Variants in ARHGAP17 observed in about 807,000 individuals in gnomAD.
The protein encoded by ARHGAP17 is rho GTPase-activating protein 17.
ARHGAP17 carries 57 observed loss-of-function variants against 99.5 expected under a neutral mutation model. The observed-to-expected ratio is 0.57, with a 90% CI of 0.46 to 0.71. ARHGAP17 has a LOEUF of 0.71. Among genes scored for constraint, ARHGAP17 ranks in the 30% least tolerant of loss-of-function variants. The pLI, the probability that ARHGAP17 is intolerant of heterozygous loss-of-function variation, is 0.00. For synonymous variants in ARHGAP17, 417 were observed against 429.6 expected, an observed-to-expected ratio of 0.97 and a Z score of 0.36; for missense variants, 1,000 against 1,122.4, an observed-to-expected ratio of 0.89 and a Z score of 1.56.
In ARHGAP17 at chr16:24,921,159, G is replaced by A. The variant is rs1031666289; in HGVS notation, c.2516-899C>T. The stretch of plus-strand genomic sequence containing the variant: ...CACCATTCTACCTGCTGAGGACGCA[G>A]CACTGAACAAGACAGGCACAGCCTC... On this transcript the variant is annotated intron_variant, in intron 19 of 19. Transcript: ENST00000289968. Among the ~76,000 whole-genome samples, 11 of 152,184 alleles carry A rather than the reference G, an allele frequency of 7.2e-5. No individual in the cohort carries two copies. The South Asian group carries it at 1.9e-3, about 26-fold the overall frequency.
intron 1 of ARHGAP17, among the ~76,000 whole-genome samples, chr16:24,979,412 G>A (rs936618816): frequency 3.3e-5 from 5 of 152,032 alleles, no homozygotes; most frequent in African/African-American, 1.2e-4. Context: ...TAGAGACATG[G>A]CTTTGAGAAA....
At chr16:24,998,344 G>C (rs1399289201) in intron 1 of ARHGAP17, among the ~76,000 whole-genome samples, 3 of 151,980 alleles carry the variant, frequency 2.0e-5, no homozygotes, top group Non-Finnish European at 4.4e-5. Flanking sequence ...AAGGTGCATG[G>C]CACAGAGGGG....
intron 17 of ARHGAP17, 102 bp downstream of exon 17, chr16:24,939,262 C>T (rs1418727073): frequency 1.2e-5 from 13 of 1,085,868 alleles, no homozygotes; most frequent in African/African-American, 1.6e-5. Flanking sequence ...TCACTCCATG[C>T]TGGAGCAGTT....
intron 12 of ARHGAP17, among the ~76,000 whole-genome samples, chr16:24,950,200 G>A (rs1031720155): frequency 1.3e-5 from 2 of 152,116 alleles, no homozygotes. Flanking sequence ...GAGGCCAGTC[G>A]ATGTGTTACT....
At chr16:24,941,934 C>A (rs765231543) in intron 16 of ARHGAP17, 53 bp downstream of exon 16, 3 of 1,611,354 alleles carry the variant, frequency 1.9e-6, no homozygotes, top group South Asian at 2.2e-5. Context: ...CCAGATACCA[C>A]GGGTCTAACA....
rs145900042 is a variant in ARHGAP17 at position 24,931,370 on chromosome 16, C to A, written c.1929G>T (p.Pro643=). 87 of 1,506,306 alleles carry A rather than the reference C, an allele frequency of 5.8e-5. No individual in the cohort carries two copies. In the African/African-American group the frequency reaches 1.2e-3, roughly 20 times the overall value. 93.3% of individuals were successfully genotyped at this position (1,506,306 alleles called of 1,614,324 possible). The change falls in exon 19 of 20, where the codon CCG becomes CCT. Residue 643 remains proline (P), a synonymous_variant. Coordinates refer to ENST00000289968, the MANE Select transcript of ARHGAP17 (RefSeq NM_001006634.3). ...CGGGGTGGCCAGGAGGTGGGTTGCCCGGTTTCGGGGGTGCTGGAGCGGGTT... is the reference window on the plus strand; with the variant it reads ...CGGGGTGGCCAGGAGGTGGGTTGCCAGGTTTCGGGGGTGCTGGAGCGGGTT... The part of the protein sequence containing the change: ...VKKPAPAPPK[P]GNPPPGHPGG...
chr16:24,995,692 G>A (rs894415016), intron 1 of ARHGAP17, among the ~76,000 whole-genome samples: 1 of 152,116 alleles, frequency 6.6e-6, no homozygotes, highest in African/African-American at 2.4e-5. Context: ...TCAGGTGTGC[G>A]AACCAAACTG....
chr16:24,972,755 G>A (rs1354864175), intron 3 of ARHGAP17: 2 of 152,202 alleles, frequency 1.3e-5, no homozygotes, highest in African/African-American at 2.4e-5. Flanking sequence ...GATGGCAGCT[G>A]TAAATAGTTT....
Position 24,942,097 on chromosome 16 carries a change from C to G in ARHGAP17, c.1380G>C (p.Pro460=). 6.4e-7 allele frequency: 1 copy of G among 1,561,058 alleles called. No homozygotes were observed. The highest frequency in any genetic ancestry group is 8.7e-7 in the Non-Finnish European group (1 of 1,146,790). The change falls in exon 16 of 20, where the codon CCG becomes CCC. Residue 460 remains proline (P), a synonymous_variant. Coordinates refer to ENST00000289968, the MANE Select transcript of ARHGAP17 (RefSeq NM_001006634.3). ...VSEAFVPLTT[P]SSNHSFHTGN... is the part of the protein sequence containing the mutation. ...CAGTGTGGAATGAGTGATTAGAACT[C>G]GGGGTGGTGAGAGGTACAAATGCTT... is the stretch of plus-strand genomic sequence containing the variant.
chr16:24,939,287 G>A, intron 17 of ARHGAP17, 77 bp downstream of exon 17: 2 of 1,328,206 alleles, frequency 1.5e-6, no homozygotes. Flanking sequence ...GGGCATGGAT[G>A]CCGTGCTCAA....
At chr16:24,924,112 C>T (rs768928767) in intron 19 of ARHGAP17, among the ~76,000 whole-genome samples, 10 of 152,186 alleles carry the variant, frequency 6.6e-5, no homozygotes, top group Non-Finnish European at 1.2e-4. Flanking sequence ...CTCCCTCCCC[C>T]TCTCCACCAC....
chr16:24,964,203 C>T lies in ARHGAP17; in HGVS notation c.567G>A (p.Gln189=). 1 of 1,604,786 alleles carries T rather than the reference C, an allele frequency of 6.2e-7. No individual in the cohort carries two copies. ...TATCAAGGAATTCTCATACCTTGCA[C>T]TGTTCTACTTTATTTCCAGCTTCAT... ...EMDEAGNKVE[Q]CKDQLAADMY... Residue 189 remains glutamine, a synonymous_variant, in exon 7 of 20, where the codon CAG becomes CAA. Coordinates refer to ENST00000289968, the MANE Select transcript of ARHGAP17 (RefSeq NM_001006634.3).
intron 1 of ARHGAP17, among the ~76,000 whole-genome samples, chr16:25,001,302 C>T (rs1452560567): frequency 6.6e-6 from 1 of 152,086 alleles, no homozygotes; most frequent in African/African-American, 2.4e-5. Context: ...AAAGATTGTA[C>T]ACACAAAGTC....
chr16:24,936,491 A>C (rs2051142492), intron 17 of ARHGAP17: 1 of 151,466 alleles, frequency 6.6e-6, no homozygotes, highest in South Asian at 2.1e-4. Flanking sequence ...GGATCACTTG[A>C]GGTCAGGAGT....
intron 17 of ARHGAP17, among the ~76,000 whole-genome samples, chr16:24,938,414 T>C (rs2051203032): frequency 6.6e-6 from 1 of 151,718 alleles, no homozygotes; most frequent in South Asian, 2.1e-4. Context: ...TGCTATCCAT[T>C]TGCAGCCCAC....
At chr16:24,966,627 T>A (rs2052191071) in intron 6 of ARHGAP17, among the ~76,000 whole-genome samples, 3 of 150,008 alleles carry the variant, frequency 2.0e-5, no homozygotes, top group Admixed American at 2.0e-4. Context: ...AGAGACTCCA[T>A]CTTAAAAAAA....
chr16:24,967,839 A>G (rs1364503505), intron 6 of ARHGAP17, among the ~76,000 whole-genome samples: 3 of 152,102 alleles, frequency 2.0e-5, no homozygotes, highest in African/African-American at 7.2e-5. Context: ...CATCAAGGAC[A>G]AAGCAGAGGC....
At chr16:25,013,440 T>C (rs2053695593) in intron 1 of ARHGAP17, among the ~76,000 whole-genome samples, 1 of 152,094 alleles carries the variant, frequency 6.6e-6, no homozygotes. Flanking sequence ...CTAGGCAACA[T>C]GGCAAATCCC....
intron 6 of ARHGAP17, among the ~76,000 whole-genome samples, chr16:24,966,024 T>C (rs1487784674): frequency 6.6e-6 from 1 of 152,238 alleles, no homozygotes; most frequent in Non-Finnish European, 1.5e-5. Context: ...AAATCACCTA[T>C]GAGATACATG....
Sources: allele counts gnomAD v4.1 joint callset (sites outside exome capture counted in the v4.1 genomes callset), GRCh38; gene constraint gnomAD v4.1.1; transcripts MANE v1.5; gene names NCBI Gene and HGNC (gene_info 2026-07-23, HGNC 2026-07-21).